The following KIF13A variants were observed in gnomAD, a reference collection of about 807,000 sequenced individuals.
KIF13A encodes the protein kinesin family member 13A.
In KIF13A, 79 loss-of-function variants were observed where a neutral mutation model predicts 212.2. That is an observed-to-expected ratio of 0.37 (90% CI 0.31 to 0.45). The LOEUF is 0.45. Among genes scored for constraint, KIF13A ranks in the 20% least tolerant of loss-of-function variants. KIF13A has a pLI of 1.00. For missense variants in KIF13A, 1,901 were observed against 2,209.0 expected (o/e 0.86, Z 2.79); for synonymous variants, 789 against 808.6 (o/e 0.98, Z 0.41).
intron 2 of KIF13A, among the ~76,000 whole-genome samples, chr6:17,964,423 T>G (rs1461352341): frequency 6.6e-6 from 1 of 152,162 alleles, no homozygotes; most frequent in African/African-American, 2.4e-5. Context: ...TAATTGTACT[T>G]TATTCTCTAT....
At chr6:17,904,400 G>A (rs144665960) in intron 2 of KIF13A, among the ~76,000 whole-genome samples, 3 of 152,214 alleles carry the variant, frequency 2.0e-5, no homozygotes, top group East Asian at 1.9e-4. Context: ...CCTGGGAAGC[G>A]GAGGTTGCAG....
rs1392604906 is a variant in KIF13A, at chr6:17,912,703, A to T, written c.147-14523T>A. On this transcript the variant is annotated intron_variant, in intron 2 of 38. Coordinates refer to ENST00000259711, the MANE Select transcript of KIF13A (RefSeq NM_022113.6). This position sits in a 1 kb window ranked among gnomAD's most constrained non-coding sequence, Gnocchi z 4.2. ...AAACTATCTTACAGTAAGTCTATTGATGGCTGGAAGAAGGGATCACATGAA... is the reference window on the plus strand; with the variant it reads ...AAACTATCTTACAGTAAGTCTATTGTTGGCTGGAAGAAGGGATCACATGAA... Among the ~76,000 whole-genome samples, 1 of 152,084 alleles carries T rather than the reference A, an allele frequency of 6.6e-6. No individual in the cohort carries two copies. Among genetic ancestry groups the T allele is most frequent in the Admixed American group, 6.6e-5 (1 of 15,260 alleles).
At chr6:17,924,471 TAATC>T (rs1352816874) in intron 2 of KIF13A, among the ~76,000 whole-genome samples, 1 of 152,242 alleles carries the variant, frequency 6.6e-6, no homozygotes, top group Non-Finnish European at 1.5e-5. Flanking sequence ...CTCTTTGAAT[TAATC>T]AATAAAAGTG....
chr6:17,773,938 C>T lies in KIF13A; in HGVS notation c.4219-355G>A. Reference sequence around the variant, plus strand: ...GTGACTTGATAATTTAATGACCAAACTGAAACACTCTCAAAGGACAACTGT... The same window carrying T: ...GTGACTTGATAATTTAATGACCAAATTGAAACACTCTCAAAGGACAACTGT... On this transcript the variant is annotated intron_variant, in intron 35 of 38. Transcript: ENST00000259711. This position sits in a 1 kb window ranked among gnomAD's most constrained non-coding sequence, Gnocchi z 4.2. Among the ~76,000 whole-genome samples the T allele has an allele frequency of 6.6e-6, 1 of 152,178 alleles. No homozygotes were observed. Among genetic ancestry groups the T allele is most frequent in the East Asian group, 1.9e-4 (1 of 5,200 alleles).
intron 2 of KIF13A, among the ~76,000 whole-genome samples, chr6:17,924,654 T>C (rs931750558): frequency 3.9e-5 from 6 of 152,014 alleles, no homozygotes; most frequent in Non-Finnish European, 5.9e-5. Flanking sequence ...TCCTTACAAA[T>C]GCAACAGAAC....
At chr6:17,831,859 G>A (rs899037509) in intron 12 of KIF13A, among the ~76,000 whole-genome samples, 14 of 151,538 alleles carry the variant, frequency 9.2e-5, no homozygotes, top group African/African-American at 3.4e-4. Flanking sequence ...ATTTATTAGA[G>A]TCTACAATGT....
chr6:17,933,637 T>C (rs942702956), intron 2 of KIF13A, among the ~76,000 whole-genome samples: 3 of 152,184 alleles, frequency 2.0e-5, no homozygotes, highest in African/African-American at 7.2e-5. Flanking sequence ...TTTAGATTTT[T>C]TTTTAAGTTT....
At chr6:17,814,249 CTTTTTTTTT>C (rs34056148) in intron 17 of KIF13A, among the ~76,000 whole-genome samples, 1 of 89,560 alleles carries the variant, frequency 1.1e-5, no homozygotes, top group Non-Finnish European at 2.0e-5. Flanking sequence ...CAGTGCCCGG[CTTTTTTTTT>C]TTTTTTTTTT....
chr6:17,951,204 G>C lies in KIF13A; in HGVS notation c.146+35850C>G. 8.8e-7 allele frequency: 1 copy of C among 1,141,932 alleles called. No homozygotes were observed. The highest frequency in any genetic ancestry group is 1.1e-6 in the Non-Finnish European group (1 of 895,998). The allele number at this position is 1,141,932 out of a possible 1,614,324, so 70.7% of individuals were successfully genotyped here. On this transcript the variant is annotated intron_variant, in intron 2 of 38. Transcript: ENST00000259711. This position sits in a 1 kb window ranked among gnomAD's most constrained non-coding sequence, Gnocchi z 4.9. ...GGGTCTGGCTCTGTCACCCAGGCTGGCGTGCAGTGGCTCAAACAGCTCACT... is the reference window on the plus strand; with the variant it reads ...GGGTCTGGCTCTGTCACCCAGGCTGCCGTGCAGTGGCTCAAACAGCTCACT...
intron 2 of KIF13A, among the ~76,000 whole-genome samples, chr6:17,959,935 T>C (rs1778670661): frequency 6.6e-6 from 1 of 151,706 alleles, no homozygotes; most frequent in African/African-American, 2.4e-5. Flanking sequence ...GGCAGGAGAA[T>C]CGCTTGAACC....
intron 17 of KIF13A, chr6:17,815,665 G>T: frequency 9.8e-6 from 4 of 407,502 alleles, no homozygotes; most frequent in South Asian, 1.8e-5. Context: ...TTATAATATT[G>T]GAATAAAGAG....
intron 2 of KIF13A, among the ~76,000 whole-genome samples, chr6:17,976,311 G>A (rs1264012406): frequency 6.6e-6 from 1 of 152,238 alleles, no homozygotes; most frequent in South Asian, 2.1e-4. Flanking sequence ...ATGGCGGGCT[G>A]CAGGTCGCGA....
intron 2 of KIF13A, among the ~76,000 whole-genome samples, chr6:17,921,076 C>A (rs940617477): frequency 6.6e-6 from 1 of 152,036 alleles, no homozygotes; most frequent in African/African-American, 2.4e-5. Context: ...TAAATGACAC[C>A]TTTCCCAAAG....
Position 17,773,264 on chromosome 6 carries a change from A to T in KIF13A, c.4324+214T>A, listed in dbSNP as rs1759650029. 6.6e-6 allele frequency among the ~76,000 whole-genome samples: 1 copy of T among 152,234 alleles called. No homozygotes were observed. On this transcript the variant is annotated intron_variant, in intron 36 of 38. Transcript: ENST00000259711. This position sits in a 1 kb window ranked among gnomAD's most constrained non-coding sequence, Gnocchi z 4.2. ...AGAAGTTCTAAAGTAATACACAAAA[A>T]GTCTATGATTATTTGGGTGATATGT...
Position 17,901,274 on chromosome 6 carries a change from A to C in KIF13A, c.147-3094T>G, listed in dbSNP as rs1773040093. Among the ~76,000 whole-genome samples, 7 of 152,176 alleles carry C rather than the reference A, an allele frequency of 4.6e-5. No homozygotes were observed. In the South Asian group the frequency reaches 1.5e-3, roughly 32 times the overall value. On this transcript the variant is annotated intron_variant, in intron 2 of 38. Coordinates refer to ENST00000259711, the MANE Select transcript of KIF13A (RefSeq NM_022113.6). ...TGTGAAGAAAAATGTTTCCAGTATC[A>C]GTAATACTGACACTATAATCAAATA... is the stretch of plus-strand genomic sequence containing the variant.
At position 17,783,732 on chromosome 6, in the gene KIF13A, A is replaced by G; in HGVS notation, c.3489-31T>C. The G allele has an allele frequency of 7.2e-7, 1 of 1,396,446 alleles. No individual in the cohort carries two copies. The highest frequency in any genetic ancestry group is 1.0e-6 in the Non-Finnish European group (1 of 1,003,902). The allele number at this position is 1,396,446 out of a possible 1,614,324, so 86.5% of individuals were successfully genotyped here. A position where few individuals can be genotyped will look rare whatever the true frequency, so the allele number is the denominator to read the frequency against. On this transcript the variant is annotated intron_variant, in intron 28 of 38. Coordinates refer to ENST00000259711, the MANE Select transcript of KIF13A (RefSeq NM_022113.6). The surrounding 1 kb of genome is among the most constrained non-coding windows in gnomAD (Gnocchi z 4.3). Reference sequence around the variant, plus strand: ...TTTAATAACAACATTTAATCATAACAAAATATGTATTTTACATCTTGTTAG... The same window carrying G: ...TTTAATAACAACATTTAATCATAACGAAATATGTATTTTACATCTTGTTAG...
At chr6:17,807,787 T>C (rs903446816) in intron 18 of KIF13A, among the ~76,000 whole-genome samples, 2 of 151,076 alleles carry the variant, frequency 1.3e-5, no homozygotes, top group East Asian at 1.9e-4. Context: ...CCTACCGATA[T>C]GTGATGTCAC....
rs903565405 is a variant in KIF13A at position 17,944,924 on chromosome 6, T to C, written c.146+42130A>G. 4.6e-5 allele frequency among the ~76,000 whole-genome samples: 7 copies of C among 152,118 alleles called. No individual in the cohort carries two copies. In the South Asian group the frequency reaches 1.0e-3, roughly 23 times the overall value. On this transcript the variant is annotated intron_variant, in intron 2 of 38. Coordinates refer to ENST00000259711, the MANE Select transcript of KIF13A (RefSeq NM_022113.6). The stretch of plus-strand genomic sequence containing the variant: ...AACAAAGTTACTGCCTGTAAGTATA[T>C]ACTAAAGTCGACAGCATTTCTAAGC...
chr6:17,951,450 A>C lies in KIF13A; in HGVS notation c.146+35604T>G, dbSNP rs769980830. 5 of 571,118 alleles carry C rather than the reference A, an allele frequency of 8.8e-6. No individual in the cohort carries two copies. Among genetic ancestry groups the C allele is most frequent in the African/African-American group, 3.8e-5 (2 of 51,994 alleles). 35.4% of individuals were successfully genotyped at this position (571,118 alleles called of 1,614,324 possible). A position where few individuals can be genotyped will look rare whatever the true frequency, so the allele number is the denominator to read the frequency against. On this transcript the variant is annotated intron_variant, in intron 2 of 38. Transcript: ENST00000259711. The surrounding 1 kb of genome is among the most constrained non-coding windows in gnomAD (Gnocchi z 4.9). Reference sequence around the variant, plus strand: ...CCAGCCTCAATTTAAAAAAAAAAAAAAAACAGCTTTAAGATATAATTTATA... The same window carrying C: ...CCAGCCTCAATTTAAAAAAAAAAAACAAACAGCTTTAAGATATAATTTATA...
Sources: gnomAD v4.1 joint callset for allele counts (sites outside exome capture counted in the v4.1 genomes callset) on GRCh38, gnomAD v4.1.1 for gene constraint, Gnocchi (gnomAD v3.1) non-coding constraint, MANE v1.5 for transcripts, NCBI Gene and HGNC (gene_info 2026-07-23, HGNC 2026-07-21) for gene names.